The following CREB5 variants were observed in gnomAD, a reference collection of about 807,000 sequenced individuals.
CREB5 encodes cAMP responsive element binding protein 5, also known as cyclic AMP-responsive element-binding protein 5.
CREB5 carries 19 observed loss-of-function variants against 57.1 expected under a neutral mutation model. The ratio of observed to expected loss-of-function variants is 0.33; its 90% CI spans 0.23 to 0.49. The LOEUF (loss-of-function observed/expected upper bound fraction) is 0.49, where lower values mean the gene tolerates loss of function less well. Among genes scored for constraint, CREB5 ranks in the 20% least tolerant of loss-of-function variants. The pLI, the probability that CREB5 is intolerant of heterozygous loss-of-function variation, is 0.99. For synonymous variants in CREB5, 238 were observed against 238.3 expected, an observed-to-expected ratio of 1.00 and a Z score of 0.01; for missense variants, 579 against 671.6, an observed-to-expected ratio of 0.86 and a Z score of 1.52.
intron 8 of CREB5, among the ~76,000 whole-genome samples, chr7:28,804,798 G>T (rs1221910938): frequency 6.6e-6 from 1 of 152,206 alleles, no homozygotes; most frequent in African/African-American, 2.4e-5. Context: ...CAGTGTGTCA[G>T]AAAGTTAGCC....
At chr7:28,810,379 T>C (rs896019497) in intron 9 of CREB5, among the ~76,000 whole-genome samples, 1 of 152,126 alleles carries the variant, frequency 6.6e-6, no homozygotes, top group Non-Finnish European at 1.5e-5. Context: ...ATAGTGAGAC[T>C]GCATTTTAAG....
At chr7:28,722,638 G>T (rs1425285630) in intron 6 of CREB5, among the ~76,000 whole-genome samples, 3 of 152,152 alleles carry the variant, frequency 2.0e-5, no homozygotes, top group Non-Finnish European at 2.9e-5. Flanking sequence ...ATTTAGGGGG[G>T]TGCGTGGGAG....
At chr7:28,750,455 A>G (rs1804916979) in intron 7 of CREB5, among the ~76,000 whole-genome samples, 1 of 152,338 alleles carries the variant, frequency 6.6e-6, no homozygotes, top group East Asian at 1.9e-4. Context: ...TTCACTTAAC[A>G]TTATAAATTT....
At chr7:28,796,119 C>T (rs1808026020) in intron 7 of CREB5, among the ~76,000 whole-genome samples, 1 of 152,134 alleles carries the variant, frequency 6.6e-6, no homozygotes. Flanking sequence ...GTGCAACTAT[C>T]ATCTTTGTCT....
At chr7:28,460,659 T>C (rs1302512008) in intron 1 of CREB5, among the ~76,000 whole-genome samples, 3 of 152,086 alleles carry the variant, frequency 2.0e-5, no homozygotes, top group Non-Finnish European at 4.4e-5. Context: ...CTAAAGAACA[T>C]AGGAATTGGC....
chr7:28,626,080 T>G (rs766617421), intron 5 of CREB5, among the ~76,000 whole-genome samples: 1 of 152,210 alleles, frequency 6.6e-6, no homozygotes, highest in Non-Finnish European at 1.5e-5. Context: ...GGTCATTCTA[T>G]TTGGGTGTGT....
At chr7:28,560,839 T>TGCGTGCGCGC (rs1266751699) in intron 4 of CREB5, among the ~76,000 whole-genome samples, 3 of 96,406 alleles carry the variant, frequency 3.1e-5, no homozygotes, top group Non-Finnish European at 4.4e-5. Flanking sequence ...CGCGCGTGTG[T>TGCGTGCGCGC]GTGTGCGCGT....
chr7:28,408,213 G>C (rs1787631049), upstream of CREB5, among the ~76,000 whole-genome samples: 1 of 152,178 alleles, frequency 6.6e-6, no homozygotes, highest in Non-Finnish European at 1.5e-5. Context: ...CTGTAGAATG[G>C]GAATAATTAT....
At position 28,358,184 on chromosome 7, in the gene CREB5, C is replaced by T. The variant is rs76189512; in HGVS notation, c.-25+58743C>T. On this transcript the variant is annotated intron_variant, in intron 1 of 9. Transcript: ENST00000396299. ...AGGTCATGTCCTCTGACAATCAGAA[C>T]GGGGGCTTAAATATGCTCCGCTGAC... Among the ~76,000 whole-genome samples, 1,215 of 152,236 alleles carry T rather than the reference C, an allele frequency of 8.0e-3. 37 individuals carry two copies. The highest frequency in any genetic ancestry group is 0.056 in the Admixed American group (852 of 15,294).
intron 1 of CREB5, among the ~76,000 whole-genome samples, chr7:28,312,176 T>A (rs1456565687): frequency 1.4e-5 from 2 of 143,408 alleles, no homozygotes; most frequent in African/African-American, 5.0e-5. Flanking sequence ...TGAAAGGAAA[T>A]ACTTAGCTAA....
chr7:28,519,739 T>C (rs1360235636), intron 4 of CREB5, among the ~76,000 whole-genome samples: 2 of 152,254 alleles, frequency 1.3e-5, no homozygotes, highest in African/African-American at 2.4e-5. Context: ...ACTTATACAA[T>C]GTACTGGTGT....
At chr7:28,332,574 C>T (rs1785737396) in intron 1 of CREB5, among the ~76,000 whole-genome samples, 1 of 152,202 alleles carries the variant, frequency 6.6e-6, no homozygotes, top group African/African-American at 2.4e-5. Context: ...CCCTGTACAC[C>T]TTCCCGTCTC....
At chr7:28,593,517 G>A (rs1020547512) in intron 5 of CREB5, among the ~76,000 whole-genome samples, 2 of 152,192 alleles carry the variant, frequency 1.3e-5, no homozygotes, top group African/African-American at 2.4e-5. Flanking sequence ...CAAAAGCACT[G>A]GGATTACAGG....
chr7:28,387,309 T>C (rs1583413424), intron 1 of CREB5, among the ~76,000 whole-genome samples: 1 of 152,228 alleles, frequency 6.6e-6, no homozygotes, highest in East Asian at 1.9e-4. Context: ...GGTTTTGATT[T>C]GCATTTCTCT....
intron 1 of CREB5, among the ~76,000 whole-genome samples, chr7:28,404,406 A>T (rs968275700): frequency 1.3e-5 from 2 of 151,820 alleles, no homozygotes; most frequent in African/African-American, 4.8e-5. Flanking sequence ...CTCCCATCCC[A>T]CTCAGTCAGA....
chr7:28,585,612 C>G (rs1018142696), intron 5 of CREB5, among the ~76,000 whole-genome samples: 1 of 152,150 alleles, frequency 6.6e-6, no homozygotes, highest in African/African-American at 2.4e-5. Flanking sequence ...TTGAAGCGTC[C>G]TCTGCCTTAT....
At position 28,775,977 on chromosome 7, in the gene CREB5, G is replaced by A. The variant is rs537508340; in HGVS notation, c.703-28222G>A. 9.2e-5 allele frequency among the ~76,000 whole-genome samples: 14 copies of A among 152,242 alleles called. No individual in the cohort carries two copies. The South Asian group carries it at 2.5e-3, about 27-fold the overall frequency. On this transcript the variant is annotated intron_variant, in intron 7 of 10. Coordinates refer to ENST00000357727, the MANE Select transcript of CREB5 (RefSeq NM_182898.4). ...GAAACTGACAGTATGTAACTGCCCC[G>A]TGTGCACAGCAAATTAACATCTGAT...
rs1022353314 is a variant in CREB5 at position 28,738,609 on chromosome 7, T to C, written c.702+14277T>C. On this transcript the variant is annotated intron_variant, in intron 7 of 10. Transcript: ENST00000357727. ...CAGTGAACTTTATCTCCTGGGAATT[T>C]TCTTAAAGGGCAAGTCTGGACAAAG... Among the ~76,000 whole-genome samples, 3 of 152,208 alleles carry C rather than the reference T, an allele frequency of 2.0e-5. No homozygotes were observed. In the East Asian group the frequency reaches 5.8e-4, roughly 29 times the overall value.
intron 5 of CREB5, among the ~76,000 whole-genome samples, chr7:28,571,174 G>A (rs960802862): frequency 2.0e-5 from 3 of 152,152 alleles, no homozygotes; most frequent in Non-Finnish European, 4.4e-5. Flanking sequence ...GCTTGGGACA[G>A]CATGAAGTTT....
Sources: allele counts gnomAD v4.1 joint callset (sites outside exome capture counted in the v4.1 genomes callset), GRCh38; gene constraint gnomAD v4.1.1; transcripts MANE v1.5; gene names NCBI Gene and HGNC (gene_info 2026-07-23, HGNC 2026-07-21).